ZNF423: variants seen among roughly 807,000 people sequenced by gnomAD.
ZNF423 encodes the protein zinc finger protein 423, also known as Ebf-associated zinc finger protein.
ZNF423 carries 12 observed loss-of-function variants against 95.8 expected under a neutral mutation model. The ratio of observed to expected loss-of-function variants is 0.13; its 90% CI spans 0.08 to 0.20. The LOEUF (loss-of-function observed/expected upper bound fraction) is 0.20, where lower values mean the gene tolerates loss of function less well. ZNF423 is among the 10% of genes least tolerant of loss of function. ZNF423 has a pLI of 1.00. For synonymous variants in ZNF423, 749 were observed against 711.9 expected, an observed-to-expected ratio of 1.05 and a Z score of -0.83; for missense variants, 1,316 against 1,737.1, an observed-to-expected ratio of 0.76 and a Z score of 4.31.
At chr16:49,769,367 AAAAAAAG>A (rs938966940) in intron 2 of ZNF423, among the ~76,000 whole-genome samples, 21 of 83,420 alleles carry the variant, frequency 2.5e-4, no homozygotes, top group African/African-American at 1.4e-3. Flanking sequence ...AAAAAAAAAG[AAAAAAAG>A]AAAAGAAAAA....
chr16:49,616,468 A>C (rs1971879102), intron 5 of ZNF423, among the ~76,000 whole-genome samples: 1 of 152,182 alleles, frequency 6.6e-6, no homozygotes, highest in African/African-American at 2.4e-5. Flanking sequence ...AAAATAACTA[A>C]AAGAGTATAA....
At chr16:49,783,419 G>A (rs1480602640) in intron 2 of ZNF423, among the ~76,000 whole-genome samples, 2 of 141,418 alleles carry the variant, frequency 1.4e-5, no homozygotes, top group Admixed American at 1.4e-4. Flanking sequence ...TTAGAGTAGG[G>A]TTAGGGTTAG....
intron 3 of ZNF423, among the ~76,000 whole-genome samples, chr16:49,677,297 A>AAGGGAAGGGAAGGGAAGG (rs1567284051): frequency 1.5e-4 from 12 of 78,328 alleles, no homozygotes; most frequent in Non-Finnish European, 2.6e-4. Context: ...AGAAGAGAAG[A>AAGGGAAGGGAAGGGAAGG]GAAGAGAAGA....
intron 1 of ZNF423, among the ~76,000 whole-genome samples, chr16:49,800,000 T>A (rs2034557182): frequency 6.6e-6 from 1 of 152,092 alleles, no homozygotes; most frequent in Admixed American, 6.6e-5. Flanking sequence ...ACACCTATAA[T>A]CCCAGCACTT....
chr16:49,556,576 C>T (rs1432578666), intron 5 of ZNF423, among the ~76,000 whole-genome samples: 1 of 152,114 alleles, frequency 6.6e-6, no homozygotes, highest in South Asian at 2.1e-4. Context: ...CAAACTGAGA[C>T]CTCCACAGAC....
At chr16:49,774,683 G>A (rs1039197041) in intron 2 of ZNF423, among the ~76,000 whole-genome samples, 12 of 152,130 alleles carry the variant, frequency 7.9e-5, no homozygotes, top group African/African-American at 2.9e-4. Flanking sequence ...TCTGCCAGAT[G>A]AAGACCCCCA....
At chr16:49,592,305 T>C (rs1971033507) in intron 5 of ZNF423, among the ~76,000 whole-genome samples, 1 of 152,208 alleles carries the variant, frequency 6.6e-6, no homozygotes, top group African/African-American at 2.4e-5. Flanking sequence ...TTTTTTTTCT[T>C]GTAAGGAAAG....
At chr16:49,597,314 T>G (rs1012997592) in intron 5 of ZNF423, among the ~76,000 whole-genome samples, 27 of 152,174 alleles carry the variant, frequency 1.8e-4, no homozygotes, top group Non-Finnish European at 3.2e-4. Flanking sequence ...ACTAGCCACA[T>G]GTGACTACTG....
intron 5 of ZNF423, among the ~76,000 whole-genome samples, chr16:49,552,408 T>G (rs777488054): frequency 6.6e-5 from 10 of 152,150 alleles, no homozygotes; most frequent in Non-Finnish European, 1.3e-4. Flanking sequence ...AGGAGCAATT[T>G]TCCTGGTGAG....
At chr16:49,625,389 T>C (rs183992064) in intron 5 of ZNF423, among the ~76,000 whole-genome samples, 4 of 152,304 alleles carry the variant, frequency 2.6e-5, no homozygotes, top group Admixed American at 2.6e-4. Context: ...GTTCAACCCA[T>C]GGCTGCAACT....
At chr16:49,673,632 CGT>C (rs2030918346) in intron 3 of ZNF423, among the ~76,000 whole-genome samples, 1 of 152,248 alleles carries the variant, frequency 6.6e-6, no homozygotes, top group Non-Finnish European at 1.5e-5. Context: ...CATGGGCACA[CGT>C]GTGTCACATG....
chr16:49,797,312 G>A (rs1242157343), intron 1 of ZNF423, among the ~76,000 whole-genome samples: 1 of 152,168 alleles, frequency 6.6e-6, no homozygotes, highest in East Asian at 1.9e-4. Context: ...AAGGTGGCGA[G>A]AAAGAGCTGA....
intron 3 of ZNF423, among the ~76,000 whole-genome samples, chr16:49,709,081 A>G (rs2032455136): frequency 6.6e-6 from 1 of 151,694 alleles, no homozygotes; most frequent in Non-Finnish European, 1.5e-5. Context: ...CCCTGAGGAC[A>G]TAAGGATGAA....
chr16:49,821,333 A>G (rs150210786), intron 1 of ZNF423, among the ~76,000 whole-genome samples: 303 of 152,284 alleles, frequency 2.0e-3, no homozygotes, highest in Non-Finnish European at 3.8e-3. Flanking sequence ...GGCTGGCTTT[A>G]GAAGAGAACC....
intron 3 of ZNF423, among the ~76,000 whole-genome samples, chr16:49,718,885 G>A (rs748108857): frequency 3.9e-5 from 6 of 152,062 alleles, no homozygotes; most frequent in Non-Finnish European, 8.8e-5. Context: ...TTCAACAAAC[G>A]AATTTGGGGG....
intron 2 of ZNF423, among the ~76,000 whole-genome samples, chr16:49,755,524 A>G (rs1249217322): frequency 3.3e-5 from 5 of 152,188 alleles, no homozygotes; most frequent in African/African-American, 1.2e-4. Context: ...GCTAATGAAA[A>G]AAACACACAC....
In ZNF423 at chr16:49,637,714, A is replaced by T. The variant is rs1972788029; in HGVS notation, c.1462T>A (p.Phe488Ile). Residue 488 changes from phenylalanine to isoleucine, a missense_variant, in exon 4 of 8, where the codon TTC (phenylalanine) becomes ATC (isoleucine). By Grantham distance (21) the Phe-to-Ile change is conservative. Around this residue, in one of 6 missense-constraint regions of ZNF423, gnomAD observed 399 missense variants for 478.5 expected, o/e 0.83. Transcript: ENST00000563137. This position sits in a 1 kb window ranked among gnomAD's most constrained non-coding sequence, Gnocchi z 5.6. The part of the protein sequence containing the change: ...PVMQFGNISA[F>I]HCNYCPEMFA... ...ATCTCGGGGCAGTAGTTGCAGTGGA[A>T]GGCAGAGATGTTGCCAAACTGCATC... 4 of 1,614,172 alleles carry T rather than the reference A, an allele frequency of 2.5e-6. No homozygotes were observed. Among genetic ancestry groups the T allele is most frequent in the Non-Finnish European group, 3.4e-6 (4 of 1,180,040 alleles).
intron 3 of ZNF423, among the ~76,000 whole-genome samples, chr16:49,680,782 T>G (rs1567286550): frequency 6.6e-6 from 1 of 152,196 alleles, no homozygotes. Flanking sequence ...TTGGCAGGTA[T>G]GGGATCCAGG....
intron 1 of ZNF423, among the ~76,000 whole-genome samples, chr16:49,830,700 A>G (rs910018454): frequency 6.6e-6 from 1 of 152,104 alleles, no homozygotes; most frequent in Non-Finnish European, 1.5e-5. Flanking sequence ...CCATTTCTTC[A>G]TCATGAGGAG....
Sources: allele counts gnomAD v4.1 joint callset (sites outside exome capture counted in the v4.1 genomes callset), GRCh38; gene constraint gnomAD v4.1.1; regional missense constraint gnomAD v4.1.1; non-coding constraint Gnocchi (gnomAD v3.1); transcripts MANE v1.5; gene names NCBI Gene and HGNC (gene_info 2026-07-23, HGNC 2026-07-21).